OPCML: variants seen among roughly 807,000 people sequenced by gnomAD.
The protein encoded by OPCML is opioid-binding protein/cell adhesion molecule.
Under a neutral mutation model 37.8 loss-of-function variants are expected in OPCML, and 13 were observed. The ratio of observed to expected loss-of-function variants is 0.34; its 90% confidence interval spans 0.22 to 0.55. The LOEUF (loss-of-function observed/expected upper bound fraction) is 0.55. OPCML is among the 20% of genes least tolerant of loss of function. The pLI is 0.91. For missense variants in OPCML, 341 were observed against 435.6 expected (o/e 0.78, Z 1.93); for synonymous variants, 176 against 168.8 (o/e 1.04, Z -0.33).
At chr11:132,797,558 C>T (rs1938400712) in intron 2 of OPCML, among the ~76,000 whole-genome samples, 1 of 152,150 alleles carries the variant, frequency 6.6e-6, no homozygotes, top group South Asian at 2.1e-4. Flanking sequence ...TTCCGTTTTC[C>T]AGTGCAAATA....
chr11:132,932,358 G>C (rs1200028213), intron 2 of OPCML, among the ~76,000 whole-genome samples: 1 of 152,094 alleles, frequency 6.6e-6, no homozygotes, highest in Non-Finnish European at 1.5e-5. Flanking sequence ...GAACTTTTTG[G>C]GGTAACAAAA....
At chr11:132,774,409 A>G (rs1424428943) in intron 2 of OPCML, among the ~76,000 whole-genome samples, 1 of 152,126 alleles carries the variant, frequency 6.6e-6, no homozygotes, top group African/African-American at 2.4e-5. Context: ...TTTTCATCGT[A>G]CAGGCTCCGA....
chr11:133,183,584 A>G (rs575149616), intron 1 of OPCML, among the ~76,000 whole-genome samples: 11 of 152,320 alleles, frequency 7.2e-5, no homozygotes, highest in African/African-American at 2.2e-4. Context: ...CTCATTTATT[A>G]AGGATCTACT....
In OPCML at chr11:132,532,911, C is replaced by A. The variant is rs193007841; in HGVS notation, c.380-3725G>T. ...ATCACTACAACTCCACCCTTGTTTC[C>A]ATGATGACTTTGTGAAGAAAGGAAC... On this transcript the variant is annotated intron_variant, in intron 3 of 7. Coordinates refer to ENST00000524381, the MANE Select transcript of OPCML (RefSeq NM_001012393.5). Among the ~76,000 whole-genome samples, 3 of 152,250 alleles carry A rather than the reference C, an allele frequency of 2.0e-5. No homozygotes were observed. The East Asian group carries it at 5.8e-4, about 29-fold the overall frequency.
chr11:133,113,650 G>C (rs983309189), intron 1 of OPCML, among the ~76,000 whole-genome samples: 1 of 151,794 alleles, frequency 6.6e-6, no homozygotes, highest in Non-Finnish European at 1.5e-5. Flanking sequence ...TAATTAACTG[G>C]CTTTCTGTTG....
chr11:132,970,458 C>A (rs1416249471), intron 1 of OPCML, among the ~76,000 whole-genome samples: 1 of 152,114 alleles, frequency 6.6e-6, no homozygotes, highest in Non-Finnish European at 1.5e-5. Context: ...TTTTTGAGAA[C>A]TCCAGAATCA....
intron 1 of OPCML, among the ~76,000 whole-genome samples, chr11:133,458,176 A>ATACACGTG (rs1324556718): frequency 1.5e-5 from 2 of 132,774 alleles, no homozygotes; most frequent in Non-Finnish European, 3.0e-5. Flanking sequence ...ATATACATAT[A>ATACACGTG]TGTGTATATA....
At chr11:133,140,544 A>C (rs1949760598) in intron 1 of OPCML, among the ~76,000 whole-genome samples, 1 of 135,108 alleles carries the variant, frequency 7.4e-6, no homozygotes, top group African/African-American at 3.2e-5. Context: ...GAAGAAGAAG[A>C]AGAAGAAGAA....
chr11:132,602,264 C>A (rs1937971438), intron 3 of OPCML, among the ~76,000 whole-genome samples: 1 of 151,978 alleles, frequency 6.6e-6, no homozygotes, highest in Non-Finnish European at 1.5e-5. Context: ...GTAGCTCCAG[C>A]AAAAAGGCAA....
At chr11:133,415,570 G>T (rs1201634535) in intron 1 of OPCML, among the ~76,000 whole-genome samples, 1 of 152,140 alleles carries the variant, frequency 6.6e-6, no homozygotes, top group African/African-American at 2.4e-5. Flanking sequence ...GGAGGAAGAA[G>T]AAGGCCCCCA....
intron 1 of OPCML, among the ~76,000 whole-genome samples, chr11:133,232,176 T>A (rs1390332664): frequency 6.6e-6 from 1 of 152,072 alleles, no homozygotes; most frequent in Non-Finnish European, 1.5e-5. Context: ...CCAGCCCCAG[T>A]GGCTCCCCAG....
intron 1 of OPCML, among the ~76,000 whole-genome samples, chr11:133,039,985 C>T (rs1289019431): frequency 2.0e-5 from 3 of 151,588 alleles, no homozygotes; most frequent in African/African-American, 7.3e-5. Flanking sequence ...GCCAAGATCA[C>T]ACCACTGCAC....
At chr11:133,448,209 A>G (rs1946509783) in intron 1 of OPCML, among the ~76,000 whole-genome samples, 1 of 152,154 alleles carries the variant, frequency 6.6e-6, no homozygotes, top group Admixed American at 6.5e-5. Context: ...ATTGTTTTTT[A>G]TGTATGATAT....
rs186950042 is a variant in OPCML at position 133,053,153 on chromosome 11, C to T, written c.62-110143G>A. ...AGTTCATCATTCACCAGATTTGGGA[C>T]CCTGATCCTTAGTTCTTTCACCTCT... On this transcript the variant is annotated intron_variant, in intron 1 of 7. Coordinates refer to ENST00000524381, the MANE Select transcript of OPCML (RefSeq NM_001012393.5). 8.4e-4 allele frequency among the ~76,000 whole-genome samples: 128 copies of T among 152,292 alleles called. 1 individual carries two copies. Among genetic ancestry groups the T allele is most frequent in the Middle Eastern group, 3.4e-3 (1 of 294 alleles).
At position 132,487,123 on chromosome 11, in the gene OPCML, A is replaced by G. The variant is rs139128666; in HGVS notation, c.505+41938T>C. Among the ~76,000 whole-genome samples, 60 of 152,330 alleles carry G rather than the reference A, an allele frequency of 3.9e-4. No homozygotes were observed. In the East Asian group the frequency reaches 9.6e-3, roughly 24 times the overall value. ...AACCCAAACACAGCTGGGCTCTCTCATCTCCAGTGAGGATTTTTCACCCTG... is the reference window on the plus strand; with the variant it reads ...AACCCAAACACAGCTGGGCTCTCTCGTCTCCAGTGAGGATTTTTCACCCTG... On this transcript the variant is annotated intron_variant, in intron 4 of 7. Transcript: ENST00000524381.
intron 1 of OPCML, among the ~76,000 whole-genome samples, chr11:133,399,144 A>G (rs7125200): frequency 0.47 from 71,759 of 152,042 alleles, 19,685 homozygotes; most frequent in African/African-American, 0.77. Context: ...TCCCCCAGCA[A>G]AGAAAGAATC....
intron 2 of OPCML, among the ~76,000 whole-genome samples, chr11:132,715,998 C>T (rs753992256): frequency 6.6e-5 from 10 of 152,288 alleles, no homozygotes; most frequent in South Asian, 2.1e-4. Flanking sequence ...AAAAAAAATT[C>T]GGTGCCAATT....
At chr11:132,717,889 T>A (rs1387341471) in intron 2 of OPCML, among the ~76,000 whole-genome samples, 1 of 152,202 alleles carries the variant, frequency 6.6e-6, no homozygotes, top group Non-Finnish European at 1.5e-5. Flanking sequence ...AAGGACAGCA[T>A]TCGCTAGGGA....
At chr11:133,158,990 A>T (rs575430824) in intron 1 of OPCML, among the ~76,000 whole-genome samples, 1 of 152,274 alleles carries the variant, frequency 6.6e-6, no homozygotes, top group East Asian at 1.9e-4. Flanking sequence ...TGTTCCCTTC[A>T]TCACAGGCTT....
Sources: gnomAD v4.1 joint callset for allele counts (sites outside exome capture counted in the v4.1 genomes callset) on GRCh38, gnomAD v4.1.1 for gene constraint, MANE v1.5 for transcripts, NCBI Gene and HGNC (gene_info 2026-07-23, HGNC 2026-07-21) for gene names.